MNAT1: variants seen among roughly 807,000 people sequenced by gnomAD.
MNAT1 encodes the protein CDK-activating kinase assembly factor MAT1.
In MNAT1, 43 loss-of-function variants were observed where a neutral mutation model predicts 42.0. The ratio of observed to expected loss-of-function variants is 1.02; its 90% CI spans 0.80 to 1.32. MNAT1 has a LOEUF of 1.32. MNAT1 is among the 40% of genes most tolerant of loss of function. The pLI, the probability that MNAT1 is intolerant of heterozygous loss-of-function variation, is 0.00. For synonymous variants in MNAT1, 118 were observed against 120.0 expected (o/e 0.98, Z 0.11); for missense variants, 306 against 350.4 (o/e 0.87, Z 1.01).
Position 60,740,260 on chromosome 14 carries a change from G to A in MNAT1, c.89+5309G>A, listed in dbSNP as rs2140282879. On this transcript the variant is annotated intron_variant, in intron 1 of 7. Transcript: ENST00000261245. This position sits in a 1 kb window ranked among gnomAD's most constrained non-coding sequence, Gnocchi z 4.1. ...ATCACGCACGAGACGCAAAGTACAA[G>A]ATAAGCAAAATCAAGTACCTACCAT... Among the ~76,000 whole-genome samples, 2 of 152,324 alleles carry A rather than the reference G, an allele frequency of 1.3e-5. No individual in the cohort carries two copies. The highest frequency in any genetic ancestry group is 1.3e-4 in the Admixed American group (2 of 15,298).
At chr14:60,938,704 G>C (rs1019848509) in intron 7 of MNAT1, among the ~76,000 whole-genome samples, 11 of 151,920 alleles carry the variant, frequency 7.2e-5, no homozygotes, top group Non-Finnish European at 1.0e-4. Flanking sequence ...TTTTTTTGTT[G>C]TGTCTCTGCC....
chr14:60,895,880 C>T (rs1012690113), intron 7 of MNAT1, among the ~76,000 whole-genome samples: 1 of 152,120 alleles, frequency 6.6e-6, no homozygotes, highest in Non-Finnish European at 1.5e-5. Context: ...TTTGTAGCTA[C>T]ACCTTATTTG....
intron 7 of MNAT1, among the ~76,000 whole-genome samples, chr14:60,914,976 C>T (rs946614350): frequency 2.5e-4 from 38 of 152,150 alleles, no homozygotes; most frequent in Admixed American, 2.4e-3. Flanking sequence ...GACCAGCCAG[C>T]GTTGGCTGAT....
At chr14:60,942,954 G>A (rs1242754690) in intron 7 of MNAT1, among the ~76,000 whole-genome samples, 1 of 142,498 alleles carries the variant, frequency 7.0e-6, no homozygotes, top group East Asian at 2.2e-4. Context: ...TAGTTATCTT[G>A]TCATTTGACT....
intron 1 of MNAT1, chr14:60,780,058 C>T: frequency 6.7e-7 from 1 of 1,485,210 alleles, no homozygotes; most frequent in South Asian, 1.1e-5. Flanking sequence ...TCTCATTCGG[C>T]ATCAACAGCA....
Position 60,835,567 on chromosome 14 carries a change from C to T in MNAT1, c.687+16720C>T, listed in dbSNP as rs150276558. The stretch of plus-strand genomic sequence containing the variant: ...TTTCTTTAAGAATGTTGCATATTGG[C>T]CCCCACTCTCTTCTGGCTTGTAGGG... On this transcript the variant is annotated intron_variant, in intron 6 of 7. Coordinates refer to ENST00000261245, the MANE Select transcript of MNAT1 (RefSeq NM_002431.4). Among the ~76,000 whole-genome samples, 783 of 152,242 alleles carry T rather than the reference C, an allele frequency of 5.1e-3. 14 individuals are homozygous for T. Among genetic ancestry groups the T allele is most frequent in the African/African-American group, 0.018 (735 of 41,536 alleles).
At chr14:60,825,417 C>G (rs74563663) in intron 6 of MNAT1, among the ~76,000 whole-genome samples, 1 of 152,078 alleles carries the variant, frequency 6.6e-6, no homozygotes, top group African/African-American at 2.4e-5. Context: ...AAAAATCAAT[C>G]CTGAATGAAG....
At chr14:60,792,173 A>G (rs908175490) in intron 1 of MNAT1, among the ~76,000 whole-genome samples, 1 of 152,072 alleles carries the variant, frequency 6.6e-6, no homozygotes, top group East Asian at 1.9e-4. Context: ...GAATCCTTAA[A>G]CGCATTTCAT....
At chr14:60,843,606 C>G (rs780933832) in intron 6 of MNAT1, among the ~76,000 whole-genome samples, 1 of 152,072 alleles carries the variant, frequency 6.6e-6, no homozygotes, top group Non-Finnish European at 1.5e-5. Context: ...TGTGATGACT[C>G]TATTAAAATC....
intron 7 of MNAT1, among the ~76,000 whole-genome samples, chr14:60,899,908 A>T (rs1045884754): frequency 5.3e-5 from 8 of 151,214 alleles, no homozygotes; most frequent in African/African-American, 1.7e-4. Flanking sequence ...GCATGATTTT[A>T]TCTGTGTGGT....
At chr14:60,871,273 A>G (rs2034318444) in intron 6 of MNAT1, among the ~76,000 whole-genome samples, 1 of 152,176 alleles carries the variant, frequency 6.6e-6, no homozygotes, top group Non-Finnish European at 1.5e-5. Flanking sequence ...TTGTGTGGTC[A>G]TATGTTTTCA....
At chr14:60,876,521 T>C (rs2034439488) in intron 6 of MNAT1, among the ~76,000 whole-genome samples, 1 of 152,026 alleles carries the variant, frequency 6.6e-6, no homozygotes, top group Non-Finnish European at 1.5e-5. Flanking sequence ...CCACCGTTCA[T>C]TTCCAAAAAT....
intron 6 of MNAT1, among the ~76,000 whole-genome samples, chr14:60,869,040 A>ATATATATATATATATATTTTTTTT (rs1465360826): frequency 8.8e-6 from 1 of 113,054 alleles, no homozygotes; most frequent in Non-Finnish European, 1.8e-5. Context: ...ATATATATAT[A>ATATATATATATATATATTTTTTTT]TTTTTTTTTT....
intron 1 of MNAT1, among the ~76,000 whole-genome samples, chr14:60,770,893 A>G (rs1170520429): frequency 6.6e-6 from 1 of 152,154 alleles, no homozygotes; most frequent in African/African-American, 2.4e-5. Flanking sequence ...ACTGTTATAT[A>G]GTATTCCATT....
intron 4 of MNAT1, among the ~76,000 whole-genome samples, chr14:60,811,207 T>G (rs962396819): frequency 6.6e-6 from 1 of 152,086 alleles, no homozygotes; most frequent in Non-Finnish European, 1.5e-5. Context: ...AGTCTTTATA[T>G]TCTGTTGATG....
intron 7 of MNAT1, among the ~76,000 whole-genome samples, chr14:60,955,839 T>C (rs1273289667): frequency 6.6e-6 from 1 of 152,182 alleles, no homozygotes; most frequent in Admixed American, 6.5e-5. Flanking sequence ...CATACCTATG[T>C]GGCCTCAATT....
Position 60,862,888 on chromosome 14 carries a change from C to A in MNAT1, c.688-16826C>A, listed in dbSNP as rs567318139. ...TTTGTTAAATTCTTTAGAGTGTTCA[C>A]ATAATGAAGGTAGGATATGATGGTG... On this transcript the variant is annotated intron_variant, in intron 6 of 7. Transcript: ENST00000261245. Among the ~76,000 whole-genome samples the A allele has an allele frequency of 3.8e-4, 58 of 152,070 alleles. No individual in the cohort carries two copies. The South Asian group carries it at 0.011, about 28-fold the overall frequency.
At chr14:60,888,730 G>C (rs1217877019) in intron 7 of MNAT1, among the ~76,000 whole-genome samples, 1 of 137,086 alleles carries the variant, frequency 7.3e-6, no homozygotes, top group Non-Finnish European at 1.6e-5. Context: ...TCCTTAAGCT[G>C]ATAAGCAACT....
intron 7 of MNAT1, among the ~76,000 whole-genome samples, chr14:60,954,744 C>G (rs762687746): frequency 1.3e-5 from 2 of 152,080 alleles, no homozygotes; most frequent in Non-Finnish European, 2.9e-5. Context: ...CTATAACTTC[C>G]AGTATTATGT....
Sources: gnomAD v4.1 joint callset for allele counts (sites outside exome capture counted in the v4.1 genomes callset) on GRCh38, gnomAD v4.1.1 for gene constraint, Gnocchi (gnomAD v3.1) non-coding constraint, MANE v1.5 for transcripts, NCBI Gene and HGNC (gene_info 2026-07-23, HGNC 2026-07-21) for gene names.